The following LIMS1 variants were observed in gnomAD, a reference collection of about 807,000 sequenced individuals.
LIMS1 encodes the protein LIM zinc finger domain containing 1.
A neutral mutation model predicts 44.1 loss-of-function variants in LIMS1; 18 were observed. The ratio of observed to expected loss-of-function variants is 0.41; its 90% CI spans 0.28 to 0.61. LIMS1 has a LOEUF of 0.61. Ranked by LOEUF, LIMS1 falls within the 20% of genes least tolerant of loss-of-function variation. The pLI is 0.32. For missense variants in LIMS1, 201 were observed against 422.0 expected (o/e 0.48, Z 4.59); for synonymous variants, 93 against 149.1 (o/e 0.62, Z 2.74).
chr2:108,536,142 G>T (rs959535410), intron 1 of LIMS1, among the ~76,000 whole-genome samples: 1 of 152,080 alleles, frequency 6.6e-6, no homozygotes, highest in African/African-American at 2.4e-5. Flanking sequence ...AACCTCTCTG[G>T]TCCAGTGTCT....
chr2:108,570,591 C>T (rs1275796727), intron 1 of LIMS1, among the ~76,000 whole-genome samples: 2 of 151,948 alleles, frequency 1.3e-5, no homozygotes, highest in Non-Finnish European at 2.9e-5. Context: ...AGCAAACAAA[C>T]AGAAGATAAA....
At chr2:108,603,519 A>G (rs550198942) in intron 1 of LIMS1, among the ~76,000 whole-genome samples, 4 of 37,112 alleles carry the variant, frequency 1.1e-4, no homozygotes, top group Admixed American at 3.8e-4. Flanking sequence ...TTTTTTTTCC[A>G]CTTGAGACAG....
intron 1 of LIMS1, among the ~76,000 whole-genome samples, chr2:108,545,047 T>C (rs527243225): frequency 6.6e-6 from 1 of 152,366 alleles, no homozygotes; most frequent in African/African-American, 2.4e-5. Context: ...GTGGTTTTTC[T>C]AAATTGAGAT....
At chr2:108,549,007 A>G (rs1027748236) in intron 1 of LIMS1, among the ~76,000 whole-genome samples, 1 of 152,220 alleles carries the variant, frequency 6.6e-6, no homozygotes, top group African/African-American at 2.4e-5. Flanking sequence ...TTCTAAGAAT[A>G]TAGCACTTTT....
chr2:108,635,429 T>TAAAAAAAAAAAAAAAAAA (rs70956264), intron 1 of LIMS1, among the ~76,000 whole-genome samples: 9 of 86,692 alleles, frequency 1.0e-4, no homozygotes, highest in African/African-American at 4.4e-4. Flanking sequence ...ACTTCATCTC[T>TAAAAAAAAAAAAAAAAAA]AAAAAAAAAA....
chr2:108,671,540 A>G (rs534577343), intron 3 of LIMS1, among the ~76,000 whole-genome samples: 55 of 152,356 alleles, frequency 3.6e-4, no homozygotes, highest in African/African-American at 1.3e-3. Context: ...TGCACGGCGC[A>G]TAAGTGATGG....
At chr2:108,656,310 T>TAG (rs1690832112) in intron 1 of LIMS1, among the ~76,000 whole-genome samples, 1 of 70,588 alleles carries the variant, frequency 1.4e-5, no homozygotes, top group African/African-American at 4.0e-5. Flanking sequence ...AATATCTATC[T>TAG]ATCTATCTAT....
intron 1 of LIMS1, among the ~76,000 whole-genome samples, chr2:108,643,130 A>T (rs1397426784): frequency 6.6e-6 from 1 of 152,200 alleles, no homozygotes; most frequent in African/African-American, 2.4e-5. Context: ...GTCCTGTAGG[A>T]TCTCCCAAAG....
chr2:108,683,604 T>C (rs960862634), intron 9 of LIMS1, among the ~76,000 whole-genome samples: 13 of 151,448 alleles, frequency 8.6e-5, no homozygotes, highest in African/African-American at 3.1e-4. Flanking sequence ...TTAGATTTCC[T>C]GTTTACTTAG....
chr2:108,639,964 C>T (rs1689559784), intron 1 of LIMS1, among the ~76,000 whole-genome samples: 1 of 152,196 alleles, frequency 6.6e-6, no homozygotes, highest in African/African-American at 2.4e-5. Flanking sequence ...TCCATGCGCA[C>T]GGGCTCACAG....
At chr2:108,627,282 T>C (rs991111117) in intron 1 of LIMS1, among the ~76,000 whole-genome samples, 1 of 152,198 alleles carries the variant, frequency 6.6e-6, no homozygotes, top group Non-Finnish European at 1.5e-5. Context: ...TTAAGCAATG[T>C]ATGACTAGTA....
chr2:108,684,085 A>C, exon 10 of LIMS1: 16 of 682,644 alleles, frequency 2.3e-5, no homozygotes, highest in Non-Finnish European at 3.5e-5. Context: ...GCTATATCTC[A>C]AAGCAGTTGA....
intron 1 of LIMS1, among the ~76,000 whole-genome samples, chr2:108,579,365 TATA>T (rs1238613208): frequency 6.6e-6 from 1 of 152,208 alleles, no homozygotes; most frequent in African/African-American, 2.4e-5. Context: ...TCTACCACTA[TATA>T]ATGTTTCCAA....
chr2:108,586,504 A>G (rs1344429338), intron 1 of LIMS1, among the ~76,000 whole-genome samples: 2 of 152,210 alleles, frequency 1.3e-5, no homozygotes, highest in African/African-American at 2.4e-5. Context: ...TAATAAAGTA[A>G]TATCTGCTGA....
At position 108,637,097 on chromosome 2, in the gene LIMS1, ATATGTGTGTG is replaced by A. The variant is rs1373254915; in HGVS notation, c.33-22506_33-22497del. ...TTTTTAAATTCAGCAAAATATACAT[ATATGTGTGTG>A]TGTGTGTGTGTGTGTGTGTGTGTGT... On this transcript the variant is annotated intron_variant, in intron 1 of 9. Transcript: ENST00000544547. Among the ~76,000 whole-genome samples the A allele has an allele frequency of 5.4e-3, 709 of 132,110 alleles. 8 individuals are homozygous for A. Among genetic ancestry groups the A allele is most frequent in the South Asian group, 0.016 (64 of 4,060 alleles). 86.7% of individuals were successfully genotyped at this position (132,110 alleles called of 152,430 possible). A position where few individuals can be genotyped will look rare whatever the true frequency, so the allele number is the denominator to read the frequency against.
At chr2:108,600,672 TTCAC>T (rs1230480880) in intron 1 of LIMS1, among the ~76,000 whole-genome samples, 2 of 152,218 alleles carry the variant, frequency 1.3e-5, no homozygotes, top group African/African-American at 2.4e-5. Context: ...GGAAAATGAC[TTCAC>T]TGTAGGTGTG....
At chr2:108,605,750 A>G (rs975687624) in intron 1 of LIMS1, among the ~76,000 whole-genome samples, 14 of 152,224 alleles carry the variant, frequency 9.2e-5, no homozygotes, top group African/African-American at 3.4e-4. Context: ...TGTGGGCCAT[A>G]TTAGACTACA....
At chr2:108,654,636 C>A (rs1318464777) in intron 1 of LIMS1, among the ~76,000 whole-genome samples, 7 of 152,122 alleles carry the variant, frequency 4.6e-5, no homozygotes, top group East Asian at 3.9e-4. Context: ...GGATGTTTTA[C>A]AAGGTCTCCA....
intron 1 of LIMS1, among the ~76,000 whole-genome samples, chr2:108,569,213 G>A (rs1227570415): frequency 6.6e-6 from 1 of 152,084 alleles, no homozygotes; most frequent in East Asian, 1.9e-4. Context: ...TTCAGGTACA[G>A]CAGTTCTTCA....
Sources: gnomAD v4.1 joint callset for allele counts (sites outside exome capture counted in the v4.1 genomes callset) on GRCh38, gnomAD v4.1.1 for gene constraint, MANE v1.5 for transcripts, NCBI Gene and HGNC (gene_info 2026-07-23, HGNC 2026-07-21) for gene names.